PHLPP2: variants seen among roughly 807,000 people sequenced by gnomAD.
The protein encoded by PHLPP2 is PH domain leucine-rich repeat-containing protein phosphatase 2.
Under a neutral mutation model 124.9 loss-of-function variants are expected in PHLPP2, and 66 were observed. The observed-to-expected ratio is 0.53, with a 90% CI of 0.43 to 0.65. The LOEUF is 0.65. Ranked by LOEUF, PHLPP2 falls within the 30% of genes least tolerant of loss-of-function variation. PHLPP2 has a pLI of 0.00. For synonymous variants in PHLPP2, 681 were observed against 624.7 expected (o/e 1.09, Z -1.34); for missense variants, 1,685 against 1,600.4 (o/e 1.05, Z -0.90).
At position 71,703,945 on chromosome 16, in the gene PHLPP2, A is replaced by C. The variant is rs538533305; in HGVS notation, c.285-1214T>G. ...GAGTATTTCTCCCATCTCAAACAAC[A>C]ACCAAAAGCAAGCACAGGAAAGTCC... is the stretch of plus-strand genomic sequence containing the variant. On this transcript the variant is annotated intron_variant, in intron 2 of 18. Transcript: ENST00000568954. Among the ~76,000 whole-genome samples, 14 of 152,290 alleles carry C rather than the reference A, an allele frequency of 9.2e-5. No individual in the cohort carries two copies. The East Asian group carries it at 2.5e-3, about 27-fold the overall frequency.
chr16:71,663,749 ATGAGAT>A, intron 13 of PHLPP2, 144 bp downstream of exon 13: 1 of 658,362 alleles, frequency 1.5e-6, no homozygotes, highest in East Asian at 2.7e-5. Flanking sequence ...AACTATTAAG[ATGAGAT>A]TTTGCCACTC....
intron 1 of PHLPP2, among the ~76,000 whole-genome samples, chr16:71,720,657 G>T (rs1471902346): frequency 1.3e-5 from 2 of 150,544 alleles, no homozygotes; most frequent in Non-Finnish European, 3.0e-5. Flanking sequence ...CTGAGGCCAG[G>T]ACTTCAACAC....
intron 2 of PHLPP2, among the ~76,000 whole-genome samples, chr16:71,708,953 G>A (rs1223710659): frequency 6.6e-6 from 1 of 151,370 alleles, no homozygotes; most frequent in Non-Finnish European, 1.5e-5. Flanking sequence ...GGACAACATA[G>A]CATGATCCAA....
rs376190649 is a variant in PHLPP2, at chr16:71,679,452, G to A, written c.974C>T (p.Thr325Ile). 34 of 1,613,518 alleles carry A rather than the reference G, an allele frequency of 2.1e-5. No homozygotes were observed. Among genetic ancestry groups the A allele is most frequent in the Non-Finnish European group, 2.8e-5 (33 of 1,179,586 alleles). Residue 325 changes from threonine (T) to isoleucine (I), a missense_variant, in exon 7 of 19, where the codon ACT (threonine) becomes ATT (isoleucine). Thr to Ile is a moderately conservative substitution (Grantham distance 89). Coordinates refer to ENST00000568954, the MANE Select transcript of PHLPP2 (RefSeq NM_015020.3). ...TCCATTACAGGAAAGGTTGAGCTCA[G>A]TCAGGGTAGAGATCTCGCATAACAA... ...PILLCEISTL[T>I]ELNLSCNGFH...
chr16:71,704,725 T>C (rs572147525), intron 2 of PHLPP2, among the ~76,000 whole-genome samples: 2 of 152,238 alleles, frequency 1.3e-5, no homozygotes, highest in Non-Finnish European at 2.9e-5. Context: ...TAGACATCAA[T>C]TACAATTAAT....
chr16:71,687,259 T>C (rs2045063095), intron 4 of PHLPP2, among the ~76,000 whole-genome samples: 1 of 152,178 alleles, frequency 6.6e-6, no homozygotes, highest in South Asian at 2.1e-4. Context: ...TTTAATGGGT[T>C]TGTCTTTTTG....
intron 4 of PHLPP2, among the ~76,000 whole-genome samples, chr16:71,687,835 T>C (rs992537840): frequency 6.6e-6 from 1 of 152,236 alleles, no homozygotes; most frequent in African/African-American, 2.4e-5. Flanking sequence ...TCTCTTCCTC[T>C]CTCTTCTCTA....
intron 16 of PHLPP2, 133 bp downstream of exon 16, chr16:71,656,438 C>CAGA (rs756150778): frequency 1.2e-5 from 7 of 592,524 alleles, no homozygotes; most frequent in Non-Finnish European, 2.1e-5. Context: ...GGGATCTTAT[C>CAGA]TGACGCTGAT....
chr16:71,676,486 T>C lies in PHLPP2; in HGVS notation c.1432A>G (p.Ser478Gly), dbSNP rs754406787. 5.6e-6 allele frequency: 9 copies of C among 1,614,072 alleles called. No homozygotes were observed. The Admixed American group carries it at 1.5e-4, about 27-fold the overall frequency. Residue 478 changes from serine (S) to glycine (G), a missense_variant, in exon 9 of 19, where the codon AGT becomes GGT. Coordinates refer to ENST00000568954, the MANE Select transcript of PHLPP2 (RefSeq NM_015020.3). ...TAGAGGGTCCGAAGGGAAAAGCCAC[T>C]GAGTGTTAGCTCCCTCAGCTGATTC... ...GRNQLRELTLSGFSLRTLYAS... is the reference protein window; with the variant it reads ...GRNQLRELTLGGFSLRTLYAS...
intron 1 of PHLPP2, among the ~76,000 whole-genome samples, chr16:71,720,136 A>AT (rs1264938505): frequency 1.3e-5 from 2 of 151,014 alleles, no homozygotes; most frequent in African/African-American, 2.4e-5. Context: ...CGCCTGGCTA[A>AT]TTTTTTGTAT....
At chr16:71,692,384 C>T in intron 3 of PHLPP2, among the ~76,000 whole-genome samples, 1 of 152,206 alleles carries the variant, frequency 6.6e-6, no homozygotes, top group East Asian at 1.9e-4. Flanking sequence ...ATTGTTTATA[C>T]AATTAGGTAT....
Position 71,658,254 on chromosome 16 carries a change from T to C in PHLPP2, c.2258A>G (p.His753Arg), listed in dbSNP as rs553506482. 1.9e-5 allele frequency: 30 copies of C among 1,613,964 alleles called. No homozygotes were observed. Among genetic ancestry groups the C allele is most frequent in the Admixed American group, 5.0e-5 (3 of 59,992 alleles). Residue 753 changes from histidine (H) to arginine (R), a missense_variant, in exon 15 of 19, where the codon CAC (histidine) becomes CGC (arginine). His to Arg is a conservative substitution (Grantham distance 29). Transcript: ENST00000568954. ...LTGNTNLVLE[H>R]KTLDIFSHIT... ...CTACCTAAATATGTCCAGTGTCTTGTGTTCCAGAACCAGATTTGTATTTCC... is the reference window on the plus strand; with the variant it reads ...CTACCTAAATATGTCCAGTGTCTTGCGTTCCAGAACCAGATTTGTATTTCC...
chr16:71,679,275 A>G lies in PHLPP2; in HGVS notation c.1037+114T>C, dbSNP rs1355723533. The stretch of plus-strand genomic sequence containing the variant: ...AAAAACTGCTGCTGACTAGAATCCT[A>G]AGTAGTACATGATATAGTTCACTGC... On this transcript the variant is annotated intron_variant, in intron 7 of 18. Coordinates refer to ENST00000568954, the MANE Select transcript of PHLPP2 (RefSeq NM_015020.3). 1.3e-5 allele frequency: 12 copies of G among 919,004 alleles called. No homozygotes were observed. The East Asian group carries it at 2.2e-4, about 17-fold the overall frequency. 56.9% of individuals were successfully genotyped at this position (919,004 alleles called of 1,614,324 possible). A position where few individuals can be genotyped will look rare whatever the true frequency, so the allele number is the denominator to read the frequency against.
chr16:71,654,627 C>G (rs1281229466), intron 17 of PHLPP2, among the ~76,000 whole-genome samples: 1 of 152,166 alleles, frequency 6.6e-6, no homozygotes, highest in African/African-American at 2.4e-5. Flanking sequence ...GGTAAGCGTT[C>G]TGAGCACACT....
intron 13 of PHLPP2, among the ~76,000 whole-genome samples, chr16:71,661,068 T>TC (rs1491578674): frequency 1.8e-5 from 1 of 54,650 alleles, no homozygotes; most frequent in African/African-American, 7.3e-5. Flanking sequence ...TGTCTTTGTC[T>TC]TTTTTTTTTT....
At chr16:71,700,966 T>C (rs1205072140) in intron 3 of PHLPP2, among the ~76,000 whole-genome samples, 1 of 152,166 alleles carries the variant, frequency 6.6e-6, no homozygotes, top group Non-Finnish European at 1.5e-5. Context: ...CTAGCCACTA[T>C]GTTGTGAAGA....
chr16:71,723,026 C>A (rs1197557221), intron 1 of PHLPP2, among the ~76,000 whole-genome samples: 1 of 152,236 alleles, frequency 6.6e-6, no homozygotes, highest in African/African-American at 2.4e-5. Context: ...CAAGAAGCCC[C>A]GCTAGCTGCC....
In PHLPP2 at chr16:71,652,307, A is replaced by C. The variant is rs560622697; in HGVS notation, c.2817+483T>G. 6.4e-4 allele frequency among the ~76,000 whole-genome samples: 98 copies of C among 152,366 alleles called. 1 individual carries two copies. Among genetic ancestry groups the C allele is most frequent in the Admixed American group, 2.0e-3 (31 of 15,308 alleles). On this transcript the variant is annotated intron_variant, in intron 18 of 18. Coordinates refer to ENST00000568954, the MANE Select transcript of PHLPP2 (RefSeq NM_015020.3). Reference sequence around the variant, plus strand: ...AAGTTCTTCTGAAAGCAAAAATGTTAATTTCTAAAAAAGGAGAAAAGCTAT... The same window carrying C: ...AAGTTCTTCTGAAAGCAAAAATGTTCATTTCTAAAAAAGGAGAAAAGCTAT...
At chr16:71,659,828 A>G (rs2044773211) in intron 13 of PHLPP2, among the ~76,000 whole-genome samples, 1 of 152,208 alleles carries the variant, frequency 6.6e-6, no homozygotes, top group Non-Finnish European at 1.5e-5. Flanking sequence ...TAACATGGAG[A>G]GAAAGTGAAA....
Sources: allele counts gnomAD v4.1 joint callset (sites outside exome capture counted in the v4.1 genomes callset), GRCh38; gene constraint gnomAD v4.1.1; transcripts MANE v1.5; gene names NCBI Gene and HGNC (gene_info 2026-07-23, HGNC 2026-07-21).